IL18R1: variants seen among roughly 807,000 people sequenced by gnomAD.
IL18R1 encodes interleukin 18 receptor 1, also known as interleukin-18 receptor 1.
IL18R1 carries 40 observed loss-of-function variants against 48.5 expected under a neutral mutation model. The ratio of observed to expected loss-of-function variants is 0.82; its 90% CI spans 0.64 to 1.07. The LOEUF (loss-of-function observed/expected upper bound fraction) is 1.07. Ranked by LOEUF, IL18R1 falls within the 50% of genes least tolerant of loss-of-function variation. IL18R1 has a pLI of 0.00. For synonymous variants in IL18R1, 232 were observed against 225.9 expected (o/e 1.03, Z -0.24); for missense variants, 596 against 633.7 (o/e 0.94, Z 0.64).
In IL18R1 at chr2:102,386,950, T is replaced by C; in HGVS notation, c.899T>C (p.Val300Ala). ...CTAAATGTTTTATATAATTGCACTG[T>C]GGCCAGCACGGGAGGCACAGACACC... The part of the protein sequence containing the change: ...SNLNVLYNCT[V>A]ASTGGTDTKS... The change falls in exon 8 of 11, where the codon GTG becomes GCG. Residue 300 changes from valine to alanine, a missense_variant. Val to Ala is a moderately conservative substitution (Grantham distance 64). Coordinates refer to ENST00000233957, the MANE Select transcript of IL18R1 (RefSeq NM_003855.5). 3 of 1,614,040 alleles carry C rather than the reference T, an allele frequency of 1.9e-6. No homozygotes were observed. Among genetic ancestry groups the C allele is most frequent in the South Asian group, 1.1e-5 (1 of 91,070 alleles).
At chr2:102,383,653 A>AT (rs545015149) in intron 6 of IL18R1, among the ~76,000 whole-genome samples, 15 of 150,544 alleles carry the variant, frequency 1.0e-4, no homozygotes, top group East Asian at 2.0e-4. Context: ...TACTACTAAC[A>AT]TTTTTTTTTG....
chr2:102,362,741 A>C, intron 2 of IL18R1, 23 bp downstream of exon 2: 94 of 1,431,288 alleles, frequency 6.6e-5, no homozygotes, highest in Non-Finnish European at 8.4e-5. Flanking sequence ...ACATACTCTC[A>C]AACATATTTC....
chr2:102,384,182 G>A (rs1680086108), intron 6 of IL18R1, among the ~76,000 whole-genome samples: 1 of 152,218 alleles, frequency 6.6e-6, no homozygotes, highest in Non-Finnish European at 1.5e-5. Context: ...AGCTGGTGAG[G>A]GAGGGGGTGC....
intron 5 of IL18R1, among the ~76,000 whole-genome samples, chr2:102,380,796 G>A (rs1679876866): frequency 6.6e-6 from 1 of 152,166 alleles, no homozygotes; most frequent in African/African-American, 2.4e-5. Context: ...GGATGTTCTG[G>A]ACATTGCTTG....
intron 4 of IL18R1, among the ~76,000 whole-genome samples, chr2:102,373,473 G>A (rs773066145): frequency 6.6e-6 from 1 of 151,994 alleles, no homozygotes; most frequent in Non-Finnish European, 1.5e-5. Context: ...GGGGTGGGAG[G>A]GTAGGGGATG....
rs1474115467 is a variant in IL18R1 at position 102,368,084 on chromosome 2, T to G, written c.302+16T>G. ...TCCAAATGAAGTGAGTAACCCTTTC[T>G]TTTCAAAATGTATTTCACAGCCCTC... On this transcript the variant is annotated intron_variant, in intron 3 of 10. Transcript: ENST00000233957. 1.2e-6 allele frequency: 2 copies of G among 1,612,712 alleles called. No homozygotes were observed. The highest frequency in any genetic ancestry group is 2.2e-5 in the South Asian group (2 of 91,064).
Position 102,375,995 on chromosome 2 carries a change from T to G in IL18R1, c.557T>G (p.Val186Gly). The G allele has an allele frequency of 6.2e-7, 1 of 1,607,984 alleles. No homozygotes were observed. Among genetic ancestry groups the G allele is most frequent in the Non-Finnish European group, 8.5e-7 (1 of 1,177,642 alleles). The part of the protein sequence containing the change: ...EFEDQGYYSC[V>G]HFLHHNGKLF... ...GAAGATCAGGGGTATTACTCCTGCGTGCATTTCCTTCATCATAATGGAAAA... is the reference window on the plus strand; with the variant it reads ...GAAGATCAGGGGTATTACTCCTGCGGGCATTTCCTTCATCATAATGGAAAA... The change falls in exon 5 of 11, where the codon GTG (valine) becomes GGG (glycine). Residue 186 changes from valine to glycine, a missense_variant. Physicochemically the swap from Val to Gly is moderately radical, Grantham distance 109 (BLOSUM62 -3). Transcript: ENST00000233957.
intron 9 of IL18R1, among the ~76,000 whole-genome samples, chr2:102,390,441 G>A (rs922614534): frequency 6.6e-6 from 1 of 151,998 alleles, no homozygotes; most frequent in South Asian, 2.1e-4. Context: ...TGATTGTCTC[G>A]TGTATGTATG....
chr2:102,375,569 TTCTC>T (rs140815276), intron 4 of IL18R1, among the ~76,000 whole-genome samples: 2 of 151,066 alleles, frequency 1.3e-5, no homozygotes, highest in Admixed American at 1.3e-4. Context: ...TGAAGTAGTG[TTCTC>T]TCTCTCTCTC....
chr2:102,369,227 G>C (rs1424614126), intron 3 of IL18R1, among the ~76,000 whole-genome samples: 1 of 152,106 alleles, frequency 6.6e-6, no homozygotes, highest in Non-Finnish European at 1.5e-5. Flanking sequence ...TTGAATGAAG[G>C]CACAATTTAA....
Position 102,396,661 on chromosome 2 carries a change from A to G in IL18R1, c.1401A>G (p.Arg467=), listed in dbSNP as rs770744027. 6.2e-7 allele frequency: 1 copy of G among 1,613,374 alleles called. No homozygotes were observed. Among genetic ancestry groups the G allele is most frequent in the East Asian group, 2.2e-5 (1 of 44,874 alleles). The change falls in exon 11 of 11, where the codon AGA becomes AGG. Residue 467 remains arginine (R), a synonymous_variant. Transcript: ENST00000233957. ...ESGLHEALVE[R]KIKIILIEFT... ...GACTCCATGAAGCATTGGTGGAAAG[A>G]AAAATTAAAATAATCTTAATTGAAT...
At chr2:102,358,300 A>G (rs1256156425) in intron 1 of IL18R1, among the ~76,000 whole-genome samples, 1 of 152,196 alleles carries the variant, frequency 6.6e-6, no homozygotes, top group Non-Finnish European at 1.5e-5. Context: ...GGGCAGAGCC[A>G]GGGGTTCAGG....
intron 8 of IL18R1, 136 bp from the exon 9 acceptor site, chr2:102,389,920 C>A: frequency 1.5e-6 from 1 of 669,198 alleles, no homozygotes; most frequent in Non-Finnish European, 2.6e-6. Context: ...TGGAGTCACT[C>A]AGTGGAATGT....
At position 102,397,047 on chromosome 2, in the gene IL18R1, C is replaced by T. The variant is rs1398288899; in HGVS notation, c.*161C>T. Reference sequence around the variant, plus strand: ...TGTCATTAGGTTGGCGGGAATGAGACTAAAGATTGCGCTGTGGGCTGTGGT... The same window carrying T: ...TGTCATTAGGTTGGCGGGAATGAGATTAAAGATTGCGCTGTGGGCTGTGGT... On this transcript the variant is annotated 3_prime_UTR_variant, in exon 11 of 11. Coordinates refer to ENST00000233957, the MANE Select transcript of IL18R1 (RefSeq NM_003855.5). The T allele has an allele frequency of 3.4e-6, 2 of 585,006 alleles. No individual in the cohort carries two copies. Among genetic ancestry groups the T allele is most frequent in the African/African-American group, 3.7e-5 (2 of 53,398 alleles). 36.2% of individuals were successfully genotyped at this position (585,006 alleles called of 1,614,324 possible). A position where few individuals can be genotyped will look rare whatever the true frequency, so the allele number is the denominator to read the frequency against.
chr2:102,379,444 C>CAAA lies in IL18R1; in HGVS notation c.626-2156_626-2154dup, dbSNP rs112656218. Among the ~76,000 whole-genome samples, 77 of 102,696 alleles carry CAAA rather than the reference C, an allele frequency of 7.5e-4. 1 individual carries two copies. Among genetic ancestry groups the CAAA allele is most frequent in the African/African-American group, 1.8e-3 (49 of 27,472 alleles). The allele number at this position is 102,696 out of a possible 152,430, so 67.4% of individuals were successfully genotyped here. A position where few individuals can be genotyped will look rare whatever the true frequency, so the allele number is the denominator to read the frequency against. On this transcript the variant is annotated intron_variant, in intron 5 of 10. Transcript: ENST00000233957. Reference sequence around the variant, plus strand: ...CAGGTGACAGAGCAAGACTCGGTCTCAAAAAAAAAAAAAAAAAAAAAAGGA... The same window carrying CAAA: ...CAGGTGACAGAGCAAGACTCGGTCTCAAAAAAAAAAAAAAAAAAAAAAAAAGGA...
intron 4 of IL18R1, 53 bp downstream of exon 4, chr2:102,372,171 C>A: frequency 7.0e-7 from 1 of 1,422,764 alleles, no homozygotes; most frequent in Non-Finnish European, 9.6e-7. Flanking sequence ...AGATAAAATT[C>A]CCAAATGAGG....
intron 1 of IL18R1, among the ~76,000 whole-genome samples, chr2:102,358,506 C>T (rs545751437): frequency 3.3e-5 from 5 of 152,144 alleles, no homozygotes; most frequent in Non-Finnish European, 4.4e-5. Context: ...CACACACGTA[C>T]GTACATATGT....
intron 3 of IL18R1, among the ~76,000 whole-genome samples, chr2:102,369,119 T>C (rs916530479): frequency 6.6e-6 from 1 of 152,182 alleles, no homozygotes; most frequent in Non-Finnish European, 1.5e-5. Context: ...AACTGGGATT[T>C]TTCATAACAA....
At chr2:102,371,695 G>A (rs972706482) in intron 3 of IL18R1, among the ~76,000 whole-genome samples, 9 of 152,192 alleles carry the variant, frequency 5.9e-5, no homozygotes, top group East Asian at 1.9e-4. Context: ...GGATATGTGC[G>A]TGTGTGCGTG....
Sources: allele counts gnomAD v4.1 joint callset (sites outside exome capture counted in the v4.1 genomes callset), GRCh38; gene constraint gnomAD v4.1.1; transcripts MANE v1.5; gene names NCBI Gene and HGNC (gene_info 2026-07-23, HGNC 2026-07-21).